Variants in ZNF385D observed in about 807,000 individuals in gnomAD.
ZNF385D encodes zinc finger protein 659.
ZNF385D carries 15 observed loss-of-function variants against 35.8 expected under a neutral mutation model. The observed-to-expected ratio is 0.42, with a 90% CI of 0.28 to 0.64. ZNF385D has a LOEUF of 0.64. Among genes scored for constraint, ZNF385D ranks in the 30% least tolerant of loss-of-function variants. The probability of loss-of-function intolerance (pLI) is 0.23; values close to 1 mark genes in which losing one functional copy is unlikely to be tolerated. For synonymous variants in ZNF385D, 212 were observed against 186.8 expected, an observed-to-expected ratio of 1.13 and a Z score of -1.10; for missense variants, 474 against 494.6, an observed-to-expected ratio of 0.96 and a Z score of 0.39.
rs188758650 is a variant in ZNF385D at position 21,961,403 on chromosome 3, T to G, written c.325+207414A>C. 279 of 152,260 alleles carry G rather than the reference T, an allele frequency of 1.8e-3. 1 individual carries two copies. Among genetic ancestry groups the G allele is most frequent in the African/African-American group, 6.5e-3 (269 of 41,582 alleles). The allele number at this position is 152,260 out of a possible 1,614,324, so 9.4% of individuals were successfully genotyped here. A position where few individuals can be genotyped will look rare whatever the true frequency, so the allele number is the denominator to read the frequency against. On this transcript the variant is annotated intron_variant, in intron 3 of 5. Coordinates refer to the ZNF385D transcript ENST00000494108. Reference sequence around the variant, plus strand: ...TTTTAAATTAATTCTTTTCTCTTTTTGATTGTCAACAGGTATTTTGCCAAA... The same window carrying G: ...TTTTAAATTAATTCTTTTCTCTTTTGGATTGTCAACAGGTATTTTGCCAAA...
chr3:21,840,887 AAGAAACC>A (rs1195535071), intron 3 of ZNF385D, among the ~76,000 whole-genome samples: 9 of 152,042 alleles, frequency 5.9e-5, no homozygotes, highest in African/African-American at 2.2e-4. Context: ...TGCTGTCTAA[AAGAAACC>A]AAGAGTTGAA....
chr3:21,925,131 T>C (rs1461705297), intron 3 of ZNF385D, among the ~76,000 whole-genome samples: 2 of 152,218 alleles, frequency 1.3e-5, no homozygotes, highest in African/African-American at 4.8e-5. Context: ...GCAAGACTTT[T>C]ATAGGTATAC....
At chr3:22,024,441 G>A (rs1372671603) in intron 3 of ZNF385D, among the ~76,000 whole-genome samples, 1 of 151,954 alleles carries the variant, frequency 6.6e-6, no homozygotes, top group Non-Finnish European at 1.5e-5. Flanking sequence ...TATTTCCTTG[G>A]TTTTGGGGTT....
At position 21,888,569 on chromosome 3, in the gene ZNF385D, T is replaced by C. The variant is rs368171008; in HGVS notation, c.326-223541A>G. On this transcript the variant is annotated intron_variant, in intron 3 of 5. Coordinates refer to the ZNF385D transcript ENST00000494108. ...TAGTAACTTCTGGAATAGTTTTCAG[T>C]GTTGCTGCGGAAACAGAAGATTAAG... Among the ~76,000 whole-genome samples the C allele has an allele frequency of 1.1e-4, 16 of 152,064 alleles. No homozygotes were observed. In the East Asian group the frequency reaches 2.7e-3, roughly 26 times the overall value.
rs900059505 is a variant in ZNF385D at position 22,180,829 on chromosome 3, A to G, written c.107-11794T>C. 1.3e-4 allele frequency among the ~76,000 whole-genome samples: 19 copies of G among 151,832 alleles called. No individual in the cohort carries two copies. In the East Asian group the frequency reaches 1.7e-3, roughly 14 times the overall value. On this transcript the variant is annotated intron_variant, in intron 2 of 5. Transcript: ENST00000494108. ...CTACGACAAACCCACAGCCAATATC[A>G]TACTATGACTTTTAACAGTAAGGCT...
At chr3:21,970,836 A>G (rs946343542) in intron 3 of ZNF385D, among the ~76,000 whole-genome samples, 1 of 152,082 alleles carries the variant, frequency 6.6e-6, no homozygotes, top group Non-Finnish European at 1.5e-5. Context: ...AACAAATAAC[A>G]TGCAATGGAG....
upstream of ZNF385D, chr3:21,751,289 G>A: frequency 9.2e-7 from 1 of 1,087,250 alleles, no homozygotes; most frequent in Non-Finnish European, 1.1e-6. Context: ...TGCTCCGACT[G>A]CCTGCCTGGA....
intron 2 of ZNF385D, among the ~76,000 whole-genome samples, chr3:22,230,619 A>C (rs1332185929): frequency 6.6e-6 from 1 of 152,168 alleles, no homozygotes; most frequent in Non-Finnish European, 1.5e-5. Context: ...CAACCCCTAA[A>C]TTCAACCCTA....
At position 22,294,033 on chromosome 3, in the gene ZNF385D, C is replaced by CTT. The variant is rs149965185; in HGVS notation, c.106+78415_106+78416dup. ...GCCTAGATTGCAGCATTTACTGATG[C>CTT]TTTTTTTTTTCTAATTGATTGTATC... On this transcript the variant is annotated intron_variant, in intron 2 of 5. Transcript: ENST00000494108. 5.3e-3 allele frequency among the ~76,000 whole-genome samples: 794 copies of CTT among 148,628 alleles called. 12 individuals are homozygous for CTT. The highest frequency in any genetic ancestry group is 0.018 in the African/African-American group (720 of 40,654).
chr3:22,240,533 G>C (rs1376637563), intron 2 of ZNF385D, among the ~76,000 whole-genome samples: 1 of 150,898 alleles, frequency 6.6e-6, no homozygotes, highest in Non-Finnish European at 1.5e-5. Flanking sequence ...ACTCCTTTCA[G>C]ATCTGTGCTT....
At chr3:22,354,128 CAT>C (rs1696043675) in intron 2 of ZNF385D, among the ~76,000 whole-genome samples, 3 of 152,068 alleles carry the variant, frequency 2.0e-5, no homozygotes, top group Admixed American at 2.0e-4. Context: ...GAAAGAGAAA[CAT>C]AGTTATACTG....
intron 3 of ZNF385D, among the ~76,000 whole-genome samples, chr3:21,793,923 T>C (rs760403359): frequency 6.6e-6 from 1 of 152,218 alleles, no homozygotes; most frequent in African/African-American, 2.4e-5. Context: ...TGATGAACAG[T>C]ATCTATTTTT....
At chr3:21,651,111 C>T (rs1474895915) in intron 2 of ZNF385D, among the ~76,000 whole-genome samples, 2 of 93,710 alleles carry the variant, frequency 2.1e-5, no homozygotes, top group Admixed American at 1.4e-4. Flanking sequence ...AACCCCGTCT[C>T]TACTAAAAAT....
At position 22,252,933 on chromosome 3, in the gene ZNF385D, A is replaced by G. The variant is rs535213963; in HGVS notation, c.107-83898T>C. Among the ~76,000 whole-genome samples, 4 of 152,232 alleles carry G rather than the reference A, an allele frequency of 2.6e-5. No individual in the cohort carries two copies. The East Asian group carries it at 7.7e-4, about 29-fold the overall frequency. ...AGAGTTGATTCTTTATCCTATAGGC[A>G]TCAAGAAGTAACAAAGCATTCTTTT... On this transcript the variant is annotated intron_variant, in intron 2 of 5. Transcript: ENST00000494108.
intron 3 of ZNF385D, among the ~76,000 whole-genome samples, chr3:21,840,920 G>A (rs998190340): frequency 6.6e-6 from 1 of 152,032 alleles, no homozygotes; most frequent in African/African-American, 2.4e-5. Flanking sequence ...GTCTATGACT[G>A]AGACCTGCTC....
At chr3:21,727,011 A>G (rs2068793533) in intron 1 of ZNF385D, among the ~76,000 whole-genome samples, 1 of 152,194 alleles carries the variant, frequency 6.6e-6, no homozygotes, top group Non-Finnish European at 1.5e-5. Flanking sequence ...CCTCAGAAAT[A>G]AAACAACACA....
At chr3:21,609,231 A>G (rs1344030532) in intron 2 of ZNF385D, among the ~76,000 whole-genome samples, 1 of 152,224 alleles carries the variant, frequency 6.6e-6, no homozygotes, top group African/African-American at 2.4e-5. Context: ...CCACCACATC[A>G]GTCTCATTAA....
chr3:21,919,709 G>C (rs528894177), intron 3 of ZNF385D, among the ~76,000 whole-genome samples: 1 of 152,132 alleles, frequency 6.6e-6, no homozygotes, highest in African/African-American at 2.4e-5. Context: ...TTTCACAGTT[G>C]CTCATACTAC....
intron 1 of ZNF385D, among the ~76,000 whole-genome samples, chr3:21,689,352 C>T (rs2067209669): frequency 6.6e-6 from 1 of 152,046 alleles, no homozygotes; most frequent in South Asian, 2.1e-4. Flanking sequence ...GCAGCATAAG[C>T]TCGATTCAAC....
Sources: allele counts gnomAD v4.1 joint callset (sites outside exome capture counted in the v4.1 genomes callset), GRCh38; gene constraint gnomAD v4.1.1; transcripts MANE v1.5; gene names NCBI Gene and HGNC (gene_info 2026-07-23, HGNC 2026-07-21).